PRIM2: variants seen among roughly 807,000 people sequenced by gnomAD.
PRIM2 encodes the protein DNA primase large subunit.
A neutral mutation model predicts 67.3 loss-of-function variants in PRIM2; 39 were observed. The ratio of observed to expected loss-of-function variants is 0.58; its 90% CI spans 0.45 to 0.76. The LOEUF (loss-of-function observed/expected upper bound fraction) is 0.76, where lower values mean the gene tolerates loss of function less well. Among genes scored for constraint, PRIM2 ranks in the 30% least tolerant of loss-of-function variants. The pLI is 0.00. For synonymous variants in PRIM2, 143 were observed against 198.7 expected (o/e 0.72, Z 2.36); for missense variants, 398 against 598.7 (o/e 0.66, Z 3.50).
At chr6:57,482,856 G>A (rs1216649530) in intron 7 of PRIM2, among the ~76,000 whole-genome samples, 3 of 152,068 alleles carry the variant, frequency 2.0e-5, no homozygotes, top group South Asian at 2.1e-4. Context: ...TTTTTGAGGC[G>A]AGAGGCTGAG....
chr6:57,262,723 T>C, the PRIM2 span, among the ~76,000 whole-genome samples: 1 of 152,336 alleles, frequency 6.6e-6, no homozygotes, highest in East Asian at 1.9e-4. Flanking sequence ...TAGCTGGGCT[T>C]GTGCCTAGAG....
At chr6:57,246,454 C>T in the PRIM2 span, among the ~76,000 whole-genome samples, 3 of 152,206 alleles carry the variant, frequency 2.0e-5, no homozygotes, top group Admixed American at 6.5e-5. Context: ...TTACCAATAG[C>T]TCCTCTCCAA....
At chr6:57,272,575 T>G in the PRIM2 span, among the ~76,000 whole-genome samples, 17 of 152,298 alleles carry the variant, frequency 1.1e-4, no homozygotes, top group African/African-American at 3.1e-4. Flanking sequence ...CTTGACTCTT[T>G]ATCCAATTTG....
intron 7 of PRIM2, among the ~76,000 whole-genome samples, chr6:57,466,650 C>G (rs373685786): frequency 6.6e-6 from 1 of 152,130 alleles, no homozygotes; most frequent in African/African-American, 2.4e-5. Flanking sequence ...TATCCTTCGC[C>G]CACTTTTTGA....
intron 8 of PRIM2, among the ~76,000 whole-genome samples, chr6:57,512,818 A>C (rs1228706660): frequency 6.6e-6 from 1 of 152,098 alleles, no homozygotes; most frequent in Non-Finnish European, 1.5e-5. Flanking sequence ...ACTGGTCTCT[A>C]ACTCCAGACC....
chr6:57,343,598 G>T (rs3800015), intron 5 of PRIM2, among the ~76,000 whole-genome samples: 4 of 151,908 alleles, frequency 2.6e-5, no homozygotes, highest in South Asian at 2.1e-4. Context: ...GCTTTTCACA[G>T]GGCTTCTGGC....
rs555179606 is a variant in PRIM2 at position 57,390,481 on chromosome 6, A to G, written c.693+8313A>G. On this transcript the variant is annotated intron_variant, in intron 7 of 13. Coordinates refer to ENST00000615550, the MANE Select transcript of PRIM2 (RefSeq NM_000947.5). ...GGGGGCTTGTTGTACAGATTATTTC[A>G]TCACCCAGGTATTAAACTCAGTACC... 5.4e-4 allele frequency among the ~76,000 whole-genome samples: 82 copies of G among 152,116 alleles called. No individual in the cohort carries two copies. The East Asian group carries it at 0.011, about 20-fold the overall frequency.
chr6:57,282,348 T>A, the PRIM2 span, among the ~76,000 whole-genome samples: 26 of 152,236 alleles, frequency 1.7e-4, no homozygotes, highest in Admixed American at 9.2e-4. Context: ...AGAGGTGTCA[T>A]GGAGTCTCAC....
intron 7 of PRIM2, among the ~76,000 whole-genome samples, chr6:57,491,041 T>C (rs1300790090): frequency 1.3e-5 from 2 of 152,164 alleles, no homozygotes; most frequent in Non-Finnish European, 2.9e-5. Context: ...ATAATGATGG[T>C]AAATTGTTCA....
At chr6:57,259,820 T>A in the PRIM2 span, among the ~76,000 whole-genome samples, 3 of 152,142 alleles carry the variant, frequency 2.0e-5, no homozygotes, top group Non-Finnish European at 4.4e-5. Flanking sequence ...CCAGGAATTG[T>A]CCTCAGCTGA....
At chr6:57,241,682 C>CTATG in the PRIM2 span, among the ~76,000 whole-genome samples, 2 of 86,638 alleles carry the variant, frequency 2.3e-5, no homozygotes, top group East Asian at 6.6e-4. Context: ...CTATGCAGAA[C>CTATG]TATGTATTTT....
chr6:57,295,040 T>G, the PRIM2 span, among the ~76,000 whole-genome samples: 1 of 152,242 alleles, frequency 6.6e-6, no homozygotes, highest in East Asian at 1.9e-4. Context: ...AACTTCTGAC[T>G]TCAGCATCCC....
chr6:57,396,461 G>T lies in PRIM2; in HGVS notation c.693+14293G>T, dbSNP rs561693442. 7.2e-5 allele frequency among the ~76,000 whole-genome samples: 11 copies of T among 152,282 alleles called. No homozygotes were observed. In the East Asian group the frequency reaches 2.1e-3, roughly 29 times the overall value. ...TTAAAGTTTGATTTGTTTGATACAA[G>T]AATAGCTACCCCTGCTCACTTTTGG... is the stretch of plus-strand genomic sequence containing the variant. On this transcript the variant is annotated intron_variant, in intron 7 of 13. Coordinates refer to ENST00000615550, the MANE Select transcript of PRIM2 (RefSeq NM_000947.5).
chr6:57,565,408 A>G (rs1393856836), intron 10 of PRIM2, among the ~76,000 whole-genome samples: 35 of 148,914 alleles, frequency 2.4e-4, no homozygotes, highest in Non-Finnish European at 3.6e-4. Flanking sequence ...GAGAAGTTCT[A>G]TGATCTGCTG....
chr6:57,456,542 T>C (rs1455251267), intron 7 of PRIM2, among the ~76,000 whole-genome samples: 1 of 152,226 alleles, frequency 6.6e-6, no homozygotes, highest in Admixed American at 6.5e-5. Context: ...CATTTGATTT[T>C]CCATCACTAA....
At chr6:57,429,023 C>A (rs1771730841) in intron 7 of PRIM2, among the ~76,000 whole-genome samples, 1 of 152,130 alleles carries the variant, frequency 6.6e-6, no homozygotes, top group African/African-American at 2.4e-5. Flanking sequence ...TCCTTTATAC[C>A]ATCTCTGCAG....
the PRIM2 span, among the ~76,000 whole-genome samples, chr6:57,270,415 T>C: frequency 6.6e-6 from 1 of 152,252 alleles, no homozygotes; most frequent in Non-Finnish European, 1.5e-5. Flanking sequence ...AGTTCACTGA[T>C]GATTTGGCTG....
intron 10 of PRIM2, among the ~76,000 whole-genome samples, chr6:57,570,288 G>A (rs1775837653): frequency 6.6e-6 from 1 of 152,180 alleles, no homozygotes; most frequent in African/African-American, 2.4e-5. Flanking sequence ...TATAATGAAA[G>A]CCAAATGCCT....
chr6:57,367,981 T>G (rs1201497396), intron 5 of PRIM2, among the ~76,000 whole-genome samples: 2 of 152,218 alleles, frequency 1.3e-5, no homozygotes, highest in Non-Finnish European at 2.9e-5. Context: ...TTAATCCCCA[T>G]GTACTCCAGA....
Sources: gnomAD v4.1 joint callset for allele counts (sites outside exome capture counted in the v4.1 genomes callset) on GRCh38, gnomAD v4.1.1 for gene constraint, MANE v1.5 for transcripts, NCBI Gene and HGNC (gene_info 2026-07-23, HGNC 2026-07-21) for gene names.